Variants in MACF1 observed in about 807,000 individuals in gnomAD.
MACF1 encodes microtubule actin crosslinking factor 1.
Under a neutral mutation model 854.8 loss-of-function variants are expected in MACF1, and 193 were observed. That is an observed-to-expected ratio of 0.23 (90% confidence interval 0.20 to 0.25). The LOEUF is 0.25. MACF1 is among the 10% of genes least tolerant of loss of function. The probability of loss-of-function intolerance (pLI) is 1.00; values close to 1 mark genes in which losing one functional copy is unlikely to be tolerated. For synonymous variants in MACF1, 3,185 were observed against 3,226.7 expected (o/e 0.99, Z 0.44); for missense variants, 7,722 against 8,929.1 (o/e 0.86, Z 5.45).
At chr1:39,420,965 A>G (rs1403914709) in intron 58 of MACF1, among the ~76,000 whole-genome samples, 1 of 146,694 alleles carries the variant, frequency 6.8e-6, no homozygotes, top group East Asian at 2.0e-4. Flanking sequence ...TCCCGGGTTC[A>G]CTCCATTCTC....
chr1:39,468,757 T>C, intron 96 of MACF1, 25 bp downstream of exon 96: 1 of 1,589,952 alleles, frequency 6.3e-7, no homozygotes, highest in Non-Finnish European at 8.6e-7. Flanking sequence ...TAAGCATGAA[T>C]TACGTGTTAG....
chr1:39,480,827 A>C, intron 98 of MACF1, 93 bp from the exon 99 acceptor site: 1 of 667,352 alleles, frequency 1.5e-6, no homozygotes, highest in Non-Finnish European at 2.7e-6. Flanking sequence ...AAAATTTAGT[A>C]TCTTCTATTT....
At chr1:39,380,398 A>C (rs1029546930) in intron 55 of MACF1, 25 bp downstream of exon 55, 1 of 1,603,338 alleles carries the variant, frequency 6.2e-7, no homozygotes, top group African/African-American at 1.3e-5. Flanking sequence ...GAGTGTTACA[A>C]ATTTGCTAAG....
intron 6 of MACF1, among the ~76,000 whole-genome samples, chr1:39,265,209 T>C (rs1645216816): frequency 6.6e-6 from 1 of 152,208 alleles, no homozygotes; most frequent in Non-Finnish European, 1.5e-5. Flanking sequence ...TTATGGCACT[T>C]GGTGCTTGGC....
chr1:39,217,557 C>T (rs1416549243), intron 1 of MACF1, among the ~76,000 whole-genome samples: 1 of 151,998 alleles, frequency 6.6e-6, no homozygotes, highest in Non-Finnish European at 1.5e-5. Context: ...ACTATTCAAA[C>T]CTCATTGCTT....
chr1:39,186,220 G>GTATGTA (rs1557505293), intron 2 of MACF1, among the ~76,000 whole-genome samples: 2 of 97,200 alleles, frequency 2.1e-5, no homozygotes, highest in African/African-American at 9.8e-5. Flanking sequence ...CTCTCTGTGT[G>GTATGTA]TGTGTGTGTG....
At position 39,297,692 on chromosome 1, in the gene MACF1, T is replaced by C. The variant is rs777190969; in HGVS notation, c.2428T>C (p.Cys810Arg). ...LQDSIKRKYS[C>R]DHNTSLSRLE... is the part of the protein sequence containing the mutation. ...AGATTCCATTAAACGAAAATATTCC[T>C]GTGACCACAACACCAGCTTATCCCG... Residue 810 changes from cysteine (C) to arginine (R), a missense_variant, in exon 21 of 101, where the codon TGT becomes CGT. By Grantham distance (180) the Cys-to-Arg change is radical. Coordinates refer to ENST00000564288, the MANE Select transcript of MACF1 (RefSeq NM_001394062.1). 1.2e-6 allele frequency: 2 copies of C among 1,614,212 alleles called. No homozygotes were observed. The highest frequency in any genetic ancestry group is 1.7e-6 in the Non-Finnish European group (2 of 1,180,028).
At chr1:39,282,462 A>C in intron 7 of MACF1, 88 bp downstream of exon 7, 1 of 1,301,598 alleles carries the variant, frequency 7.7e-7, no homozygotes, top group African/African-American at 1.5e-5. Flanking sequence ...CATCTCCTCA[A>C]TCAAAAATCA....
intron 1 of MACF1, among the ~76,000 whole-genome samples, chr1:39,222,294 T>G (rs868014461): frequency 5.3e-5 from 8 of 152,210 alleles, no homozygotes; most frequent in African/African-American, 1.7e-4. Context: ...CTGGCTTATT[T>G]TTGTATTTTT....
At chr1:39,253,222 A>G (rs1209967974) in intron 4 of MACF1, among the ~76,000 whole-genome samples, 1 of 152,176 alleles carries the variant, frequency 6.6e-6, no homozygotes, top group African/African-American at 2.4e-5. Flanking sequence ...GGGGTACCAG[A>G]GGCACTGGGT....
chr1:39,389,258 C>T (rs1183934742), intron 58 of MACF1, among the ~76,000 whole-genome samples: 4 of 151,748 alleles, frequency 2.6e-5, no homozygotes, highest in Middle Eastern at 3.4e-3. Context: ...TTATCTCTTA[C>T]TCTAAGAATT....
upstream of MACF1, among the ~76,000 whole-genome samples, chr1:39,202,002 T>C (rs1412240781): frequency 7.1e-6 from 1 of 140,246 alleles, no homozygotes; most frequent in Non-Finnish European, 1.5e-5. Flanking sequence ...ACTCTCACTC[T>C]GTCTCCCAGG....
chr1:39,393,197 ATATAT>A (rs1268206597), intron 58 of MACF1, among the ~76,000 whole-genome samples: 21 of 47,144 alleles, frequency 4.5e-4, no homozygotes, highest in African/African-American at 1.5e-3. Context: ...AAAAAAAAAA[ATATAT>A]ATATATATAT....
intron 14 of MACF1, among the ~76,000 whole-genome samples, chr1:39,286,116 C>T (rs562436519): frequency 3.3e-5 from 5 of 152,120 alleles, no homozygotes; most frequent in South Asian, 2.1e-4. Flanking sequence ...TGGGCTCAAG[C>T]GATCCTTCCA....
chr1:39,368,999 C>CTT (rs552062352), intron 50 of MACF1, among the ~76,000 whole-genome samples: 1,706 of 121,832 alleles, frequency 0.014, 53 homozygotes, highest in African/African-American at 0.05. Context: ...AGTCCCCTGG[C>CTT]TTTTTTTTTT....
intron 6 of MACF1, among the ~76,000 whole-genome samples, chr1:39,274,369 G>A (rs560628976): frequency 6.6e-6 from 1 of 152,240 alleles, no homozygotes; most frequent in African/African-American, 2.4e-5. Flanking sequence ...TGGGTTCTGC[G>A]TCTGGGGATT....
At chr1:39,229,877 T>G (rs1037417666) in intron 1 of MACF1, among the ~76,000 whole-genome samples, 1 of 152,072 alleles carries the variant, frequency 6.6e-6, no homozygotes, top group African/African-American at 2.4e-5. Flanking sequence ...CTTGAGTAGC[T>G]AGGACTACAG....
At chr1:39,259,902 C>T (rs1449963084) in intron 6 of MACF1, among the ~76,000 whole-genome samples, 1 of 152,176 alleles carries the variant, frequency 6.6e-6, no homozygotes, top group Non-Finnish European at 1.5e-5. Context: ...CAGGCGTGAG[C>T]CACCGTGCCC....
Position 39,448,042 on chromosome 1 carries a change from G to T in MACF1, c.19978G>T (p.Ala6660Ser). ...ARKRAKQFHEAWKKLIDWLED... is the reference protein window; with the variant it reads ...ARKRAKQFHESWKKLIDWLED... ...TCTTATGTAATTTTAGTTCCATGAA[G>T]CTTGGAAAAAACTGATTGACTGGCT... Residue 6660 changes from alanine (A) to serine (S), a missense_variant, in exon 83 of 101, where the codon GCT (alanine) becomes TCT (serine). By Grantham distance (99) the Ala-to-Ser change is moderately conservative (BLOSUM62 1). Transcript: ENST00000564288. 1 of 1,614,068 alleles carries T rather than the reference G, an allele frequency of 6.2e-7. No homozygotes were observed. Among genetic ancestry groups the T allele is most frequent in the Non-Finnish European group, 8.5e-7 (1 of 1,179,986 alleles).
Sources: gnomAD v4.1 joint callset for allele counts (sites outside exome capture counted in the v4.1 genomes callset) on GRCh38, gnomAD v4.1.1 for gene constraint, MANE v1.5 for transcripts, NCBI Gene and HGNC (gene_info 2026-07-23, HGNC 2026-07-21) for gene names.